FKBP6: variants seen among roughly 807,000 people sequenced by gnomAD.
FKBP6 encodes the protein FKBP prolyl isomerase family member 6 (inactive), also known as inactive peptidyl-prolyl cis-trans isomerase FKBP6.
In FKBP6, 29 loss-of-function variants were observed where a neutral mutation model predicts 41.7. The ratio of observed to expected loss-of-function variants is 0.70; its 90% CI spans 0.52 to 0.95. FKBP6 has a LOEUF of 0.95. Among genes scored for constraint, FKBP6 ranks in the 40% least tolerant of loss-of-function variants. FKBP6 has a pLI of 0.00. For missense variants in FKBP6, 338 were observed against 408.7 expected (o/e 0.83, Z 1.49); for synonymous variants, 130 against 165.1 (o/e 0.79, Z 1.63).
chr7:73,330,897 GC>G (rs2115830991), intron 4 of FKBP6, among the ~76,000 whole-genome samples: 1 of 152,266 alleles, frequency 6.6e-6, no homozygotes, highest in South Asian at 2.1e-4. Flanking sequence ...TAGATGCAGG[GC>G]TTCTGACCCC....
rs372969700 is a variant in FKBP6 at position 73,342,789 on chromosome 7, G to T, written c.894-18G>T. ...CAAACACAGACCTCCTCTAACAAGT[G>T]TGTATTTCCCTCTCCAGCTGTTACA... On this transcript the variant is annotated intron_variant, in intron 7 of 8. Transcript: ENST00000252037. 1 of 1,567,420 alleles carries T rather than the reference G, an allele frequency of 6.4e-7. No individual in the cohort carries two copies. The highest frequency in any genetic ancestry group is 8.8e-7 in the Non-Finnish European group (1 of 1,137,360).
intron 5 of FKBP6, among the ~76,000 whole-genome samples, chr7:73,336,575 A>G (rs782058191): frequency 1.3e-5 from 2 of 152,102 alleles, no homozygotes; most frequent in Non-Finnish European, 2.9e-5. Flanking sequence ...GCCCTCGTTA[A>G]TGTCACTTTG....
intron 5 of FKBP6, chr7:73,336,766 G>A (rs1554548602): frequency 2.2e-6 from 1 of 456,636 alleles, no homozygotes; most frequent in Non-Finnish European, 4.4e-6. Flanking sequence ...TAGGCACCGT[G>A]CTGGGTGTGC....
chr7:73,348,150 C>A (rs1174804296), intron 8 of FKBP6, among the ~76,000 whole-genome samples: 2 of 141,024 alleles, frequency 1.4e-5, no homozygotes, highest in African/African-American at 2.6e-5. Flanking sequence ...GGAAGTTGGA[C>A]CTCCTTCTAT....
At chr7:73,351,278 C>T (rs944798697) in intron 8 of FKBP6, among the ~76,000 whole-genome samples, 3 of 152,190 alleles carry the variant, frequency 2.0e-5, no homozygotes, top group South Asian at 2.1e-4. Context: ...GATTCATCCG[C>T]CTCAGCCTCC....
chr7:73,331,444 G>A (rs377172304), intron 4 of FKBP6, among the ~76,000 whole-genome samples: 7 of 152,226 alleles, frequency 4.6e-5, no homozygotes, highest in African/African-American at 1.7e-4. Flanking sequence ...CAACACAGAA[G>A]GCTGTAAACA....
At chr7:73,336,796 A>C (rs1009596835) in intron 5 of FKBP6, 1 of 456,562 alleles carries the variant, frequency 2.2e-6, no homozygotes, top group African/African-American at 2.0e-5. Context: ...ACCTGTTAAC[A>C]GGGTCCAGGA....
In FKBP6 at chr7:73,358,429, C is replaced by T. The variant is rs1185582524; in HGVS notation, c.*251C>T. 1 of 152,554 alleles carries T rather than the reference C, an allele frequency of 6.6e-6. No individual in the cohort carries two copies. Among genetic ancestry groups the T allele is most frequent in the Non-Finnish European group, 1.5e-5 (1 of 68,022 alleles). 9.5% of individuals were successfully genotyped at this position (152,554 alleles called of 1,614,324 possible). On this transcript the variant is annotated 3_prime_UTR_variant, in exon 9 of 9. Transcript: ENST00000252037. ...TAGAACACTGCTACTTTTTTTAAGG[C>T]AGTTTCTTGTTTTTTTAGACGGAAT... is the stretch of plus-strand genomic sequence containing the variant.
intron 5 of FKBP6, among the ~76,000 whole-genome samples, chr7:73,338,338 G>A (rs536308681): frequency 6.6e-6 from 1 of 152,300 alleles, no homozygotes; most frequent in Non-Finnish European, 1.5e-5. Flanking sequence ...TCGTTCTTTT[G>A]TAAGGCTACT....
At chr7:73,331,606 GCAT>G in intron 4 of FKBP6, 48 bp from the exon 5 acceptor site, 1 of 1,608,890 alleles carries the variant, frequency 6.2e-7, no homozygotes, top group Non-Finnish European at 8.5e-7. Context: ...TTCCATTGTG[GCAT>G]TACTGCTTTT....
intron 5 of FKBP6, among the ~76,000 whole-genome samples, chr7:73,332,047 G>A (rs1396333109): frequency 1.3e-5 from 2 of 151,886 alleles, no homozygotes; most frequent in Non-Finnish European, 2.9e-5. Flanking sequence ...TGTATTTTTA[G>A]TAGAGACAGA....
In FKBP6 at chr7:73,340,700, C is replaced by A; in HGVS notation, c.651C>A (p.Ala217=). The A allele has an allele frequency of 1.2e-6, 2 of 1,614,018 alleles. No homozygotes were observed. Among genetic ancestry groups the A allele is most frequent in the Non-Finnish European group, 1.7e-6 (2 of 1,180,030 alleles). Residue 217 remains alanine, a synonymous_variant, in exon 6 of 9, where the codon GCC becomes GCA. Transcript: ENST00000252037. ...AAGAGCAGCACCTGGTGGAGGCCGCCAAGCTTCCTGTTCTCCTGAACCTGT... is the reference window on the plus strand; with the variant it reads ...AAGAGCAGCACCTGGTGGAGGCCGCAAAGCTTCCTGTTCTCCTGAACCTGT... ...PPEEQHLVEA[A]KLPVLLNLSF... is the part of the protein sequence containing the mutation.
intron 8 of FKBP6, among the ~76,000 whole-genome samples, chr7:73,351,053 T>G (rs1040257890): frequency 2.0e-5 from 3 of 152,204 alleles, no homozygotes; most frequent in Non-Finnish European, 4.4e-5. Context: ...AATAAAGACT[T>G]GTTTAAATAT....
At chr7:73,348,355 G>A (rs782090242) in intron 8 of FKBP6, among the ~76,000 whole-genome samples, 1 of 151,996 alleles carries the variant, frequency 6.6e-6, no homozygotes, top group African/African-American at 2.4e-5. Flanking sequence ...AAGATTCCCC[G>A]ATGTGCTCAA....
At chr7:73,343,104 C>G (rs1805240275) in intron 8 of FKBP6, among the ~76,000 whole-genome samples, 1 of 152,206 alleles carries the variant, frequency 6.6e-6, no homozygotes, top group Admixed American at 6.5e-5. Context: ...TCGCCCAGAC[C>G]TGTGGGTTAA....
At chr7:73,340,591 A>G (rs1554549285) in intron 5 of FKBP6, 47 bp from the exon 6 acceptor site, 3 of 1,511,034 alleles carry the variant, frequency 2.0e-6, no homozygotes, top group African/African-American at 1.4e-5. Flanking sequence ...AGGGTTTTGT[A>G]CATAAGACTG....
chr7:73,350,555 G>A (rs974442396), intron 8 of FKBP6, among the ~76,000 whole-genome samples: 5 of 152,020 alleles, frequency 3.3e-5, no homozygotes, highest in Admixed American at 1.3e-4. Flanking sequence ...TGCTTTTTCC[G>A]TTGAAGAGAA....
In FKBP6 at chr7:73,356,065, CAAAAA is replaced by C. The variant is rs71925165; in HGVS notation, c.*3-2093_*3-2089del. ...TGGGCGACAGAGCAAGACTCTGTCT[CAAAAA>C]AAAAAAAAAAAAAAAAAAAAAAGTG... On this transcript the variant is annotated intron_variant, in intron 8 of 8. Coordinates refer to ENST00000252037, the MANE Select transcript of FKBP6 (RefSeq NM_003602.5). Among the ~76,000 whole-genome samples, 18 of 32,194 alleles carry C rather than the reference CAAAAA, an allele frequency of 5.6e-4. No individual in the cohort carries two copies. The South Asian group carries it at 0.016, about 29-fold the overall frequency. 21.1% of individuals were successfully genotyped at this position (32,194 alleles called of 152,430 possible).
chr7:73,354,911 C>T lies in FKBP6; in HGVS notation c.*3-3270C>T, dbSNP rs117521950. 1.5e-3 allele frequency among the ~76,000 whole-genome samples: 234 copies of T among 152,318 alleles called. 6 individuals are homozygous for T. In the East Asian group the frequency reaches 0.041, roughly 27 times the overall value. On this transcript the variant is annotated intron_variant, in intron 8 of 8. Coordinates refer to ENST00000252037, the MANE Select transcript of FKBP6 (RefSeq NM_003602.5). ...GCTGGCACACGACACCCACCGCCAC[C>T]GTGGGAACGGCACCTGCTGAGCCTT... is the stretch of plus-strand genomic sequence containing the variant.
Sources: allele counts gnomAD v4.1 joint callset (sites outside exome capture counted in the v4.1 genomes callset), GRCh38; gene constraint gnomAD v4.1.1; transcripts MANE v1.5; gene names NCBI Gene and HGNC (gene_info 2026-07-23, HGNC 2026-07-21).